The following RUFY3 variants were observed in gnomAD, a reference collection of about 807,000 sequenced individuals.
RUFY3 encodes the protein RUN and FYVE domain containing 3.
Under a neutral mutation model 84.0 loss-of-function variants are expected in RUFY3, and 34 were observed. The observed-to-expected ratio is 0.40, with a 90% confidence interval of 0.31 to 0.54. The LOEUF (loss-of-function observed/expected upper bound fraction) is 0.54, where lower values mean the gene tolerates loss of function less well. Ranked by LOEUF, RUFY3 falls within the 20% of genes least tolerant of loss-of-function variation. RUFY3 has a pLI of 0.39. For synonymous variants in RUFY3, 242 were observed against 252.9 expected (o/e 0.96, Z 0.41); for missense variants, 507 against 736.8 (o/e 0.69, Z 3.61).
At chr4:70,745,275 A>G (rs148117851) in intron 1 of RUFY3, among the ~76,000 whole-genome samples, 1,659 of 152,292 alleles carry the variant, frequency 0.011, 25 homozygotes, top group African/African-American at 0.038. Context: ...GATTAGTTTC[A>G]TATTCTATGT....
chr4:70,737,694 T>TTTTTTA (rs1720558180), intron 1 of RUFY3, among the ~76,000 whole-genome samples: 1 of 148,688 alleles, frequency 6.7e-6, no homozygotes, highest in African/African-American at 2.5e-5. Context: ...TTTTTTTTTT[T>TTTTTTA]GAGATAGGGT....
Position 70,791,344 on chromosome 4 carries a change from T to A in RUFY3, c.1337+1752T>A, listed in dbSNP as rs763157565. 1.6e-5 allele frequency: 26 copies of A among 1,605,232 alleles called. No individual in the cohort carries two copies. The South Asian group carries it at 2.9e-4, about 18-fold the overall frequency. On this transcript the variant is annotated intron_variant, in intron 12 of 17. Transcript: ENST00000381006. ...CGCAAGTCCGATATCACAACTTAAT[T>A]GTAAAAGGAAGAAATCTGAAAGTTA...
chr4:70,769,606 C>T (rs1418361115), intron 5 of RUFY3, among the ~76,000 whole-genome samples: 3 of 152,158 alleles, frequency 2.0e-5, no homozygotes, highest in Non-Finnish European at 4.4e-5. Context: ...ATGAAGTTTA[C>T]CACATTAATT....
chr4:70,792,525 T>C (rs1730983688), intron 12 of RUFY3: 1 of 985,260 alleles, frequency 1.0e-6, no homozygotes, highest in African/African-American at 1.7e-5. Flanking sequence ...AAGATGATTT[T>C]TGATTTGAAG....
At chr4:70,728,533 A>G (rs1718685301) in intron 1 of RUFY3, among the ~76,000 whole-genome samples, 1 of 152,250 alleles carries the variant, frequency 6.6e-6, no homozygotes, top group African/African-American at 2.4e-5. Context: ...AGCCTAAAAG[A>G]CAGCAGTAGT....
intron 12 of RUFY3, chr4:70,791,306 A>AT (rs1730778028): frequency 1.2e-6 from 2 of 1,612,982 alleles, no homozygotes; most frequent in East Asian, 4.5e-5. Context: ...AGGCATTTTT[A>AT]AGTTGGTCAC....
intron 1 of RUFY3, among the ~76,000 whole-genome samples, chr4:70,759,080 T>C (rs896643159): frequency 6.6e-6 from 1 of 152,120 alleles, no homozygotes; most frequent in Admixed American, 6.5e-5. Flanking sequence ...CATACAATGC[T>C]ACAGAACACT....
At chr4:70,774,644 A>AATATATATATATATATATATATAT (rs1553916772) in intron 6 of RUFY3, among the ~76,000 whole-genome samples, 1 of 56,686 alleles carries the variant, frequency 1.8e-5, no homozygotes, top group African/African-American at 8.4e-5. Flanking sequence ...AAAAAAAAAA[A>AATATATATATATATATATATATAT]ATATATATAT....
At chr4:70,801,280 A>G (rs1047424371) in intron 15 of RUFY3, among the ~76,000 whole-genome samples, 13 of 151,714 alleles carry the variant, frequency 8.6e-5, no homozygotes, top group African/African-American at 3.2e-4. Flanking sequence ...ATGATGGTGG[A>G]TACATGTCAT....
At chr4:70,804,761 CAAAAAAAAAAA>C (rs1186156048) in intron 17 of RUFY3, among the ~76,000 whole-genome samples, 2 of 76,848 alleles carry the variant, frequency 2.6e-5, no homozygotes, top group Admixed American at 1.6e-4. Context: ...ACTAAAAATA[CAAAAAAAAAAA>C]AAAAAAAAAA....
rs532099772 is a variant in RUFY3 at position 70,785,597 on chromosome 4, G to A, written c.1071+718G>A. 2.0e-5 allele frequency among the ~76,000 whole-genome samples: 3 copies of A among 152,084 alleles called. No homozygotes were observed. In the East Asian group the frequency reaches 5.8e-4, roughly 29 times the overall value. On this transcript the variant is annotated intron_variant, in intron 10 of 17. Transcript: ENST00000381006. ...TAATCCCAGCACTTTGGGAGGCTGA[G>A]GCGGATGGATCACGTAAGGTCGGGA...
At chr4:70,731,073 T>C (rs1004192437) in intron 1 of RUFY3, among the ~76,000 whole-genome samples, 8 of 150,156 alleles carry the variant, frequency 5.3e-5, no homozygotes, top group Non-Finnish European at 8.8e-5. Flanking sequence ...GGAGTCTCGC[T>C]CTTGTCCAGG....
At chr4:70,785,444 T>C in intron 10 of RUFY3, among the ~76,000 whole-genome samples, 1 of 152,104 alleles carries the variant, frequency 6.6e-6, no homozygotes, top group Non-Finnish European at 1.5e-5. Context: ...GGATAAGTGT[T>C]GACAAGGATG....
chr4:70,763,837 G>C (rs1270767941), intron 3 of RUFY3, among the ~76,000 whole-genome samples, 168 bp downstream of exon 3: 1 of 152,196 alleles, frequency 6.6e-6, no homozygotes, highest in African/African-American at 2.4e-5. Flanking sequence ...ACAGAATATT[G>C]AGAAAAATGT....
intron 7 of RUFY3, 135 bp downstream of exon 7, chr4:70,775,368 A>G: frequency 1.9e-6 from 1 of 513,496 alleles, no homozygotes; most frequent in East Asian, 3.4e-5. Flanking sequence ...CCAGGCACTG[A>G]GTTAGGCACT....
At chr4:70,709,052 T>A (rs986848371) in intron 1 of RUFY3, among the ~76,000 whole-genome samples, 1 of 152,140 alleles carries the variant, frequency 6.6e-6, no homozygotes, top group Non-Finnish European at 1.5e-5. Context: ...AGCGAGATGC[T>A]GTTTCAAAAA....
At chr4:70,715,559 C>A (rs541216650) in intron 1 of RUFY3, among the ~76,000 whole-genome samples, 1 of 140,488 alleles carries the variant, frequency 7.1e-6, no homozygotes, top group Non-Finnish European at 1.5e-5. Context: ...GCCACTGCAC[C>A]CTAACCCGGG....
In RUFY3 at chr4:70,789,586, A is replaced by C; in HGVS notation, c.1331A>C (p.Glu444Ala). 1.2e-6 allele frequency: 2 copies of C among 1,612,274 alleles called. No individual in the cohort carries two copies. The highest frequency in any genetic ancestry group is 1.7e-6 in the Non-Finnish European group (2 of 1,179,006). ...ATGGCTGCTACCATTAAACAACTTG[A>C]ACAAAGGTAAAAGTCCTGTTTCTTT... is the stretch of plus-strand genomic sequence containing the variant. ...NQMAATIKQL[E>A]QRLRQAERSR... Residue 444 changes from glutamate to alanine, a missense_variant, in exon 12 of 18, where the codon GAA becomes GCA. By Grantham distance (107) the Glu-to-Ala change is moderately radical (BLOSUM62 -1). This residue lies in a region of RUFY3 where 334 missense variants were observed against 364.1 expected (regional missense o/e 0.92). Transcript: ENST00000381006.
chr4:70,779,069 C>T (rs1463883161), intron 8 of RUFY3, among the ~76,000 whole-genome samples: 2 of 152,166 alleles, frequency 1.3e-5, no homozygotes, highest in Non-Finnish European at 2.9e-5. Flanking sequence ...ATTCAGTAAG[C>T]GTTTCACACA....
Sources: allele counts gnomAD v4.1 joint callset (sites outside exome capture counted in the v4.1 genomes callset), GRCh38; gene constraint gnomAD v4.1.1; regional missense constraint gnomAD v4.1.1; transcripts MANE v1.5; gene names NCBI Gene and HGNC (gene_info 2026-07-23, HGNC 2026-07-21).